RABGAP1L: variants seen among roughly 807,000 people sequenced by gnomAD.
RABGAP1L encodes the protein RAB GTPase activating protein 1 like.
Under a neutral mutation model 137.7 loss-of-function variants are expected in RABGAP1L, and 63 were observed. The observed-to-expected ratio is 0.46, with a 90% CI of 0.37 to 0.56. The LOEUF is 0.56. RABGAP1L is among the 20% of genes least tolerant of loss of function. The probability of loss-of-function intolerance (pLI) is 0.00; values close to 1 mark genes in which losing one functional copy is unlikely to be tolerated. For synonymous variants in RABGAP1L, 431 were observed against 433.7 expected (o/e 0.99, Z 0.08); for missense variants, 1,095 against 1,244.0 (o/e 0.88, Z 1.80).
At chr1:174,713,515 C>T (rs527719601) in intron 17 of RABGAP1L, among the ~76,000 whole-genome samples, 2 of 152,244 alleles carry the variant, frequency 1.3e-5, no homozygotes, top group African/African-American at 4.8e-5. Context: ...ATTCTGAGTT[C>T]ATGGGAGATA....
intron 14 of RABGAP1L, among the ~76,000 whole-genome samples, chr1:174,667,576 G>A (rs1408955091): frequency 6.6e-6 from 1 of 152,128 alleles, no homozygotes; most frequent in Non-Finnish European, 1.5e-5. Flanking sequence ...TCATGCCTTT[G>A]TACATGCCCT....
intron 3 of RABGAP1L, among the ~76,000 whole-genome samples, chr1:174,224,913 G>C (rs910673531): frequency 6.6e-6 from 1 of 151,440 alleles, no homozygotes; most frequent in African/African-American, 2.4e-5. Flanking sequence ...TTGATTATCT[G>C]TGTGTGGTTT....
intron 14 of RABGAP1L, among the ~76,000 whole-genome samples, chr1:174,673,989 C>T (rs1305269053): frequency 6.6e-6 from 1 of 151,534 alleles, no homozygotes; most frequent in Non-Finnish European, 1.5e-5. Context: ...CAAAGGATGA[C>T]TTTTACTGCA....
At chr1:174,377,562 T>A (rs1457240803) in intron 12 of RABGAP1L, among the ~76,000 whole-genome samples, 1 of 152,142 alleles carries the variant, frequency 6.6e-6, no homozygotes, top group Non-Finnish European at 1.5e-5. Flanking sequence ...ACAGACATTT[T>A]CTAAAGAAGA....
intron 19 of RABGAP1L, among the ~76,000 whole-genome samples, chr1:174,931,068 C>G (rs1023131268): frequency 8.5e-5 from 13 of 152,094 alleles, no homozygotes; most frequent in African/African-American, 2.9e-4. Context: ...ATTGTCCCCT[C>G]TTTTAAAACA....
chr1:174,820,077 A>G (rs926705288), intron 19 of RABGAP1L, among the ~76,000 whole-genome samples: 1 of 152,050 alleles, frequency 6.6e-6, no homozygotes, highest in Admixed American at 6.6e-5. Flanking sequence ...GACTGGAAAA[A>G]CTCAAAAGAA....
intron 1 of RABGAP1L, 102 bp downstream of exon 1, chr1:174,159,759 AG>A (rs1278329654): frequency 6.6e-6 from 1 of 152,284 alleles, no homozygotes; most frequent in Non-Finnish European, 1.5e-5. Flanking sequence ...GAGCCTGGGG[AG>A]GGTCGAGATG....
chr1:174,620,824 CA>C (rs1197326024), intron 13 of RABGAP1L, among the ~76,000 whole-genome samples: 1 of 151,880 alleles, frequency 6.6e-6, no homozygotes, highest in African/African-American at 2.4e-5. Flanking sequence ...AAAAACCCTT[CA>C]AAAAATCAAT....
chr1:174,664,740 T>TTC (rs1676648987), intron 14 of RABGAP1L, among the ~76,000 whole-genome samples: 2 of 134,764 alleles, frequency 1.5e-5, no homozygotes, highest in African/African-American at 3.1e-5. Context: ...CTTTCTTTTT[T>TTC]TTTTTTTTTT....
intron 19 of RABGAP1L, among the ~76,000 whole-genome samples, chr1:174,905,586 C>T (rs938953919): frequency 2.0e-5 from 3 of 152,138 alleles, no homozygotes; most frequent in African/African-American, 7.2e-5. Flanking sequence ...TGTGGTGGCT[C>T]ATGCCTGTAA....
At chr1:174,553,914 G>A (rs529000926) in intron 13 of RABGAP1L, among the ~76,000 whole-genome samples, 6 of 152,202 alleles carry the variant, frequency 3.9e-5, no homozygotes, top group East Asian at 3.9e-4. Context: ...AATTTGGGCC[G>A]GGGAGGTCGA....
chr1:174,390,069 C>T (rs771413635), intron 12 of RABGAP1L, among the ~76,000 whole-genome samples: 22 of 152,052 alleles, frequency 1.4e-4, no homozygotes, highest in Non-Finnish European at 2.6e-4. Flanking sequence ...TTATTTGGAT[C>T]TTCTCTGATC....
At chr1:174,587,513 T>C (rs1320114897) in intron 13 of RABGAP1L, among the ~76,000 whole-genome samples, 1 of 151,866 alleles carries the variant, frequency 6.6e-6, no homozygotes, top group Non-Finnish European at 1.5e-5. Flanking sequence ...AATCACGTCT[T>C]CCAATTAAAT....
Position 174,925,507 on chromosome 1 carries a change from G to T in RABGAP1L, c.2341-31950G>T, listed in dbSNP as rs563824571. Among the ~76,000 whole-genome samples, 19 of 152,144 alleles carry T rather than the reference G, an allele frequency of 1.2e-4. 2 individuals are homozygous for T. In the East Asian group the frequency reaches 3.7e-3, roughly 29 times the overall value. On this transcript the variant is annotated intron_variant, in intron 19 of 25. Transcript: ENST00000681986. The stretch of plus-strand genomic sequence containing the variant: ...AAGAGGAGAGTGGAGGAGACCAGAC[G>T]TAGAATAGCCGGGGAGAAAGCGAGC...
At chr1:174,481,609 T>A (rs1237906163) in intron 13 of RABGAP1L, among the ~76,000 whole-genome samples, 1 of 152,172 alleles carries the variant, frequency 6.6e-6, no homozygotes, top group Non-Finnish European at 1.5e-5. Context: ...AGTATGATTT[T>A]GTACACATTT....
At chr1:174,671,022 G>GTACC (rs1258625057) in intron 14 of RABGAP1L, among the ~76,000 whole-genome samples, 3 of 151,982 alleles carry the variant, frequency 2.0e-5, no homozygotes, top group Non-Finnish European at 4.4e-5. Flanking sequence ...GTGTATAAAG[G>GTACC]TACCCTTTTC....
At chr1:174,918,285 CT>C (rs1305434217) in intron 19 of RABGAP1L, among the ~76,000 whole-genome samples, 1 of 152,104 alleles carries the variant, frequency 6.6e-6, no homozygotes, top group Admixed American at 6.6e-5. Context: ...CTACAGTCTC[CT>C]TTGTTTCTAT....
intron 19 of RABGAP1L, among the ~76,000 whole-genome samples, chr1:174,833,039 G>A (rs1692280772): frequency 6.6e-6 from 1 of 152,052 alleles, no homozygotes; most frequent in African/African-American, 2.4e-5. Context: ...AAATGACAAA[G>A]CCAAATTTTG....
In RABGAP1L at chr1:174,277,988, G is replaced by A. The variant is rs1675140828; in HGVS notation, c.1157-625G>A. On this transcript the variant is annotated intron_variant, in intron 9 of 25. Transcript: ENST00000681986. ...AGGGTTTCTTCTAGTGGTGGCCTTG[G>A]TTATTTGGACTTTCCTTTAACAGAG... is the stretch of plus-strand genomic sequence containing the variant. Among the ~76,000 whole-genome samples, 3 of 152,184 alleles carry A rather than the reference G, an allele frequency of 2.0e-5. No individual in the cohort carries two copies. The South Asian group carries it at 6.2e-4, about 32-fold the overall frequency.
Sources: gnomAD v4.1 joint callset for allele counts (sites outside exome capture counted in the v4.1 genomes callset) on GRCh38, gnomAD v4.1.1 for gene constraint, MANE v1.5 for transcripts, NCBI Gene and HGNC (gene_info 2026-07-23, HGNC 2026-07-21) for gene names.